Variants in GRIN2B observed in about 807,000 individuals in gnomAD.
GRIN2B encodes the protein glutamate receptor ionotropic, NMDA 2B.
Under a neutral mutation model 114.5 loss-of-function variants are expected in GRIN2B, and 5 were observed. That is an observed-to-expected ratio of 0.04 (90% CI 0.02 to 0.09). The LOEUF is 0.09. Ranked by LOEUF, GRIN2B falls within the 10% of genes least tolerant of loss-of-function variation. The probability of loss-of-function intolerance (pLI) is 1.00; values close to 1 mark genes in which losing one functional copy is unlikely to be tolerated. For missense variants in GRIN2B, 1,108 were observed against 1,943.5 expected (o/e 0.57, Z 8.08); for synonymous variants, 787 against 745.1 (o/e 1.06, Z -0.92).
intron 11 of GRIN2B, 104 bp downstream of exon 11, chr12:13,571,699 AT>A: frequency 8.1e-7 from 1 of 1,229,904 alleles, no homozygotes; most frequent in Non-Finnish European, 1.2e-6. Context: ...CTTCTTTAAC[AT>A]TTTATGATAC....
intron 5 of GRIN2B, among the ~76,000 whole-genome samples, chr12:13,632,109 T>C (rs905323980): frequency 2.0e-5 from 3 of 151,986 alleles, no homozygotes; most frequent in African/African-American, 7.2e-5. Flanking sequence ...AACTGGAAAA[T>C]CTCCACCAAC....
At chr12:13,784,162 T>G (rs1346102570) in intron 3 of GRIN2B, among the ~76,000 whole-genome samples, 1 of 133,486 alleles carries the variant, frequency 7.5e-6, no homozygotes, top group African/African-American at 2.8e-5. Context: ...AGGCGGAGCT[T>G]GCAGTGAGCC....
intron 4 of GRIN2B, among the ~76,000 whole-genome samples, chr12:13,679,127 T>C (rs1484200433): frequency 6.6e-6 from 1 of 152,072 alleles, no homozygotes; most frequent in East Asian, 1.9e-4. Context: ...ATAAATTATC[T>C]GGTGTAAGCA....
At chr12:13,783,730 A>T (rs1864164732) in intron 3 of GRIN2B, among the ~76,000 whole-genome samples, 1 of 152,176 alleles carries the variant, frequency 6.6e-6, no homozygotes, top group Non-Finnish European at 1.5e-5. Flanking sequence ...AAATGATCAG[A>T]GGAAAAGAGT....
chr12:13,669,024 G>A (rs1488085763), intron 5 of GRIN2B, among the ~76,000 whole-genome samples: 1 of 128,616 alleles, frequency 7.8e-6, no homozygotes, highest in African/African-American at 2.8e-5. Context: ...GGAGGGAGGG[G>A]AGGTGGGGAG....
intron 10 of GRIN2B, among the ~76,000 whole-genome samples, chr12:13,575,470 G>A (rs766995658): frequency 7.2e-5 from 11 of 152,010 alleles, no homozygotes; most frequent in Non-Finnish European, 1.5e-4. Context: ...GCCAGCCTGG[G>A]AAACATGGTG....
intron 2 of GRIN2B, among the ~76,000 whole-genome samples, chr12:13,906,172 G>T (rs146986493): frequency 1.3e-5 from 2 of 152,246 alleles, no homozygotes; most frequent in East Asian, 3.9e-4. Context: ...TTTTAGCAGA[G>T]GGTTGGGCTA....
At chr12:13,839,944 A>G (rs1189033447) in intron 3 of GRIN2B, among the ~76,000 whole-genome samples, 1 of 152,234 alleles carries the variant, frequency 6.6e-6, no homozygotes, top group Non-Finnish European at 1.5e-5. Flanking sequence ...ATGTATATTT[A>G]TCCCATATAG....
chr12:13,763,721 AC>A, intron 3 of GRIN2B, among the ~76,000 whole-genome samples: 1 of 152,198 alleles, frequency 6.6e-6, no homozygotes, highest in East Asian at 1.9e-4. Context: ...GCTGACCTCC[AC>A]CCTGTGGCAG....
chr12:13,798,861 G>T (rs1189708367), intron 3 of GRIN2B, among the ~76,000 whole-genome samples: 1 of 152,172 alleles, frequency 6.6e-6, no homozygotes, highest in Non-Finnish European at 1.5e-5. Context: ...TGTCATTCCA[G>T]CATTGAAGGC....
intron 4 of GRIN2B, among the ~76,000 whole-genome samples, chr12:13,711,148 A>G (rs1950410697): frequency 6.6e-6 from 1 of 152,128 alleles, no homozygotes. Context: ...TATTTAATAA[A>G]TGGTGCTGGG....
chr12:13,780,509 G>A (rs77000426), intron 3 of GRIN2B, among the ~76,000 whole-genome samples: 3,310 of 152,190 alleles, frequency 0.022, 115 homozygotes, highest in African/African-American at 0.075. Flanking sequence ...TATGTTTCCC[G>A]AAATTCCTTT....
At chr12:13,770,821 T>C (rs1262835977) in intron 3 of GRIN2B, among the ~76,000 whole-genome samples, 1 of 152,148 alleles carries the variant, frequency 6.6e-6, no homozygotes, top group East Asian at 1.9e-4. Flanking sequence ...TGGAAAGCTG[T>C]GAGGAACTAA....
intron 2 of GRIN2B, among the ~76,000 whole-genome samples, chr12:13,967,649 G>A (rs1016554700): frequency 1.3e-5 from 2 of 152,228 alleles, no homozygotes; most frequent in Non-Finnish European, 2.9e-5. Flanking sequence ...ACATGAGGGT[G>A]GATGCTGTTT....
At chr12:13,625,848 G>A (rs918908447) in intron 5 of GRIN2B, among the ~76,000 whole-genome samples, 1 of 152,170 alleles carries the variant, frequency 6.6e-6, no homozygotes, top group Non-Finnish European at 1.5e-5. Flanking sequence ...CCCATTGAGC[G>A]AGGTGGTGCC....
At chr12:13,739,374 C>CAAA (rs34320563) in intron 4 of GRIN2B, among the ~76,000 whole-genome samples, 24 of 59,358 alleles carry the variant, frequency 4.0e-4, no homozygotes, top group South Asian at 1.1e-3. Context: ...AACTCCGTCT[C>CAAA]AAAAAAAAAA....
At chr12:13,875,667 T>C (rs1865982226) in intron 2 of GRIN2B, among the ~76,000 whole-genome samples, 1 of 152,200 alleles carries the variant, frequency 6.6e-6, no homozygotes, top group South Asian at 2.1e-4. Flanking sequence ...TCTTTTGCAA[T>C]AATAATCATG....
At chr12:13,869,708 C>T (rs1029621106) in intron 2 of GRIN2B, among the ~76,000 whole-genome samples, 1 of 152,156 alleles carries the variant, frequency 6.6e-6, no homozygotes, top group African/African-American at 2.4e-5. Context: ...CTTGCTCTTT[C>T]CCTTCTGGGG....
rs750179407 is a variant in GRIN2B, at chr12:13,564,863, G to C, written c.2599-224C>G. On this transcript the variant is annotated intron_variant, in intron 13 of 13. Coordinates refer to ENST00000609686, the MANE Select transcript of GRIN2B (RefSeq NM_000834.5). The surrounding 1 kb of genome is among the most constrained non-coding windows in gnomAD (Gnocchi z 4.8). ...TGAGGTCAGTGACCTGGCCATCAGA[G>C]GGGGGGGCATGGCCCCACCCAGTAA... 7.6e-6 allele frequency among the ~76,000 whole-genome samples: 1 copy of C among 132,096 alleles called. No individual in the cohort carries two copies. The highest frequency in any genetic ancestry group is 7.8e-5 in the Admixed American group (1 of 12,798). 86.7% of individuals were successfully genotyped at this position (132,096 alleles called of 152,430 possible).
Sources: gnomAD v4.1 joint callset for allele counts (sites outside exome capture counted in the v4.1 genomes callset) on GRCh38, gnomAD v4.1.1 for gene constraint, Gnocchi (gnomAD v3.1) non-coding constraint, MANE v1.5 for transcripts, NCBI Gene and HGNC (gene_info 2026-07-23, HGNC 2026-07-21) for gene names.